GLI4: variants seen among roughly 807,000 people sequenced by gnomAD.
The protein encoded by GLI4 is GLI family zinc finger 4.
Under a neutral mutation model 30.9 loss-of-function variants are expected in GLI4, and 34 were observed. The ratio of observed to expected loss-of-function variants is 1.10; its 90% confidence interval spans 0.84 to 1.47. The LOEUF (loss-of-function observed/expected upper bound fraction) is 1.47, where lower values mean the gene tolerates loss of function less well. Among genes scored for constraint, GLI4 ranks in the 40% most tolerant of loss-of-function variants. The probability of loss-of-function intolerance (pLI) is 0.00; values close to 1 mark genes in which losing one functional copy is unlikely to be tolerated. For missense variants in GLI4, 696 were observed against 538.9 expected (o/e 1.29, Z -2.89); for synonymous variants, 277 against 236.7 (o/e 1.17, Z -1.56).
chr8:143,274,581 G>A, intron 2 of GLI4, 123 bp from the exon 3 acceptor site: 1 of 928,320 alleles, frequency 1.1e-6, no homozygotes, highest in Non-Finnish European at 1.5e-6. Flanking sequence ...CCTGCTGTTG[G>A]GATTGGGAGG....
At position 143,276,048 on chromosome 8, in the gene GLI4, G is replaced by T; in HGVS notation, c.375G>T (p.Arg125=). 5 of 1,365,906 alleles carry T rather than the reference G, an allele frequency of 3.7e-6. No homozygotes were observed. The South Asian group carries it at 7.3e-5, about 20-fold the overall frequency. 84.6% of individuals were successfully genotyped at this position (1,365,906 alleles called of 1,614,324 possible). The part of the protein sequence containing the change: ...AGFGPESSAE[R]PAGQPPGAVP... ...TCGGGCCTGAATCCAGCGCGGAGCG[G>T]CCGGCGGGCCAGCCGCCTGGGGCCG... The change falls in exon 4 of 4, where the codon CGG becomes CGT. Residue 125 remains arginine, a synonymous_variant. Transcript: ENST00000340042.
Position 143,275,389 on chromosome 8 carries a change from C to T in GLI4, c.224-508C>T, listed in dbSNP as rs939005553. On this transcript the variant is annotated intron_variant, in intron 3 of 3. Transcript: ENST00000340042. Reference sequence around the variant, plus strand: ...CAGGTCCCTGGAAAGAGACCCTGGGCCAGAGATTTGCGTGGGAAGCTCCTG... The same window carrying T: ...CAGGTCCCTGGAAAGAGACCCTGGGTCAGAGATTTGCGTGGGAAGCTCCTG... 10 of 1,397,488 alleles carry T rather than the reference C, an allele frequency of 7.2e-6. No individual in the cohort carries two copies. In the East Asian group the frequency reaches 1.6e-4, roughly 22 times the overall value. The allele number at this position is 1,397,488 out of a possible 1,614,324, so 86.6% of individuals were successfully genotyped here.
Position 143,269,460 on chromosome 8 carries a change from C to T in GLI4, c.64C>T (p.Pro22Ser). The T allele has an allele frequency of 1.2e-6, 2 of 1,611,664 alleles. No homozygotes were observed. Among genetic ancestry groups the T allele is most frequent in the Non-Finnish European group, 1.7e-6 (2 of 1,178,222 alleles). Residue 22 changes from proline to serine, a missense_variant, in exon 2 of 4, where the codon CCG becomes TCG. Physicochemically the swap from Pro to Ser is moderately conservative, Grantham distance 74. Coordinates refer to ENST00000340042, the MANE Select transcript of GLI4 (RefSeq NM_138465.4). ...CCCGTCCCCTGTCAGTCTCTCATCA[C>T]CGGGGACACCTGGAACCCAGCACCA... ...SVPSPVSLSS[P>S]GTPGTQHHEP...
At position 143,276,253 on chromosome 8, in the gene GLI4, T is replaced by A; in HGVS notation, c.580T>A (p.Tyr194Asn). 1 of 1,610,838 alleles carries A rather than the reference T, an allele frequency of 6.2e-7. No individual in the cohort carries two copies. The highest frequency in any genetic ancestry group is 8.5e-7 in the Non-Finnish European group (1 of 1,178,996). Residue 194 changes from tyrosine (Y) to asparagine (N), a missense_variant, in exon 4 of 4, where the codon TAT (tyrosine) becomes AAT (asparagine). Transcript: ENST00000340042. ...RCEACGKSFK[Y>N]NSLLLKHQRI... is the part of the protein sequence containing the mutation. ...CGAGGCCTGCGGCAAGAGTTTCAAG[T>A]ATAACTCGCTGCTCCTGAAGCACCA...
Position 143,275,383 on chromosome 8 carries a change from C to G in GLI4, c.224-514C>G. ...TGAGGTCAGGTCCCTGGAAAGAGACCCTGGGCCAGAGATTTGCGTGGGAAG... is the reference window on the plus strand; with the variant it reads ...TGAGGTCAGGTCCCTGGAAAGAGACGCTGGGCCAGAGATTTGCGTGGGAAG... On this transcript the variant is annotated intron_variant, in intron 3 of 3. Coordinates refer to ENST00000340042, the MANE Select transcript of GLI4 (RefSeq NM_138465.4). 3 of 1,399,364 alleles carry G rather than the reference C, an allele frequency of 2.1e-6. No individual in the cohort carries two copies. In the South Asian group the frequency reaches 5.1e-5, roughly 24 times the overall value. The allele number at this position is 1,399,364 out of a possible 1,614,324, so 86.7% of individuals were successfully genotyped here. A position where few individuals can be genotyped will look rare whatever the true frequency, so the allele number is the denominator to read the frequency against.
At position 143,276,128 on chromosome 8, in the gene GLI4, C is replaced by A. The variant is rs1326260314; in HGVS notation, c.455C>A (p.Ala152Glu). The A allele has an allele frequency of 6.6e-7, 1 of 1,522,572 alleles. No individual in the cohort carries two copies. Among genetic ancestry groups the A allele is most frequent in the Non-Finnish European group, 8.8e-7 (1 of 1,138,176 alleles). 94.3% of individuals were successfully genotyped at this position (1,522,572 alleles called of 1,614,324 possible). A position where few individuals can be genotyped will look rare whatever the true frequency, so the allele number is the denominator to read the frequency against. Residue 152 changes from alanine to glutamate, a missense_variant, in exon 4 of 4, where the codon GCG (alanine) becomes GAG (glutamate). Physicochemically the swap from Ala to Glu is moderately radical, Grantham distance 107. Coordinates refer to ENST00000340042, the MANE Select transcript of GLI4 (RefSeq NM_138465.4). ...AWRVTLVQQA[A>E]AGPEGAPERA... is the part of the protein sequence containing the mutation. ...CGCGTGACGCTCGTGCAGCAAGCAG[C>A]GGCCGGGCCCGAGGGTGCGCCCGAG...
intron 3 of GLI4, chr8:143,275,148 A>C: frequency 6.5e-7 from 1 of 1,535,646 alleles, no homozygotes; most frequent in Non-Finnish European, 8.7e-7. Flanking sequence ...CTGTCCCCCC[A>C]GATCCACGAG....
chr8:143,273,213 A>G (rs1240768073), intron 2 of GLI4: 1 of 152,234 alleles, frequency 6.6e-6, no homozygotes, highest in Non-Finnish European at 1.5e-5. Context: ...GTATTTGGCC[A>G]TCTGTGGAAC....
chr8:143,275,734 C>T, intron 3 of GLI4, 163 bp from the exon 4 acceptor site: 4 of 1,240,032 alleles, frequency 3.2e-6, no homozygotes, highest in Non-Finnish European at 4.0e-6. Context: ...GGGCACGGCA[C>T]TCCGAGCCCC....
At chr8:143,270,808 GAC>G (rs1815251876) in intron 2 of GLI4, among the ~76,000 whole-genome samples, 1 of 152,200 alleles carries the variant, frequency 6.6e-6, no homozygotes, top group Non-Finnish European at 1.5e-5. Context: ...TCTCTAGGGG[GAC>G]AGTTTCTGAG....
Position 143,276,754 on chromosome 8 carries a change from G to A in GLI4, c.1081G>A (p.Gly361Ser), listed in dbSNP as rs778138489. 59 of 1,604,914 alleles carry A rather than the reference G, an allele frequency of 3.7e-5. No homozygotes were observed. In the Admixed American group the frequency reaches 9.8e-4, roughly 27 times the overall value. ...FACGACGKAF[G>S]QSSQLIQHQR... ...GTGTGGCGCCTGCGGCAAGGCCTTCGGCCAGAGCTCCCAGCTCATCCAGCA... is the reference window on the plus strand; with the variant it reads ...GTGTGGCGCCTGCGGCAAGGCCTTCAGCCAGAGCTCCCAGCTCATCCAGCA... Residue 361 changes from glycine to serine, a missense_variant, in exon 4 of 4, where the codon GGC becomes AGC. Transcript: ENST00000340042.
At chr8:143,274,405 C>T (rs1008080104) in intron 2 of GLI4, 9 of 244,916 alleles carry the variant, frequency 3.7e-5, no homozygotes, top group Admixed American at 1.1e-4. Flanking sequence ...ACAAAGCCGC[C>T]TTCAACGGCA....
In GLI4 at chr8:143,274,728, T is replaced by A. The variant is rs992609703; in HGVS notation, c.149T>A (p.Val50Glu). Reference sequence around the variant, plus strand: ...GGCTCCCCTGGCTCCAGCCCTAAGGTGCTCTCCCAGCCGTCCGACCTGGAT... The same window carrying A: ...GGCTCCCCTGGCTCCAGCCCTAAGGAGCTCTCCCAGCCGTCCGACCTGGAT... ...QHGSPGSSPK[V>E]LSQPSDLDLQ... The change falls in exon 3 of 4, where the codon GTG (valine) becomes GAG (glutamate). Residue 50 changes from valine (V) to glutamate (E), a missense_variant. Val to Glu is a moderately radical substitution (Grantham distance 121, BLOSUM62 -2). Coordinates refer to ENST00000340042, the MANE Select transcript of GLI4 (RefSeq NM_138465.4). 1 of 1,565,108 alleles carries A rather than the reference T, an allele frequency of 6.4e-7. No individual in the cohort carries two copies. The highest frequency in any genetic ancestry group is 1.4e-5 in the African/African-American group (1 of 73,474).
chr8:143,275,436 G>A (rs999845447), intron 3 of GLI4: 12 of 1,367,110 alleles, frequency 8.8e-6, no homozygotes, highest in East Asian at 8.3e-5. Context: ...GGAGCTGGGC[G>A]GCAGCACACT....
At chr8:143,275,052 TGCCGGCCCCA>T in intron 3 of GLI4, 4 of 1,533,594 alleles carry the variant, frequency 2.6e-6, no homozygotes, top group Non-Finnish European at 3.5e-6. Flanking sequence ...CGTGGACTCC[TGCCGGCCCCA>T]GCTGGACACA....
chr8:143,275,796 A>C, intron 3 of GLI4, 101 bp from the exon 4 acceptor site: 2 of 1,241,532 alleles, frequency 1.6e-6, no homozygotes, highest in Non-Finnish European at 2.0e-6. Context: ...TGTCCCCTCT[A>C]AGCCCCCCCG....
chr8:143,272,756 A>G (rs7838288), intron 2 of GLI4, among the ~76,000 whole-genome samples: 4,889 of 152,256 alleles, frequency 0.032, 281 homozygotes, highest in African/African-American at 0.11. Context: ...TGACCCATGC[A>G]GCCCACACCT....
rs1369872935 is a variant in GLI4, at chr8:143,276,762, C to T, written c.1089C>T (p.Ser363=). ...CCTGCGGCAAGGCCTTCGGCCAGAGCTCCCAGCTCATCCAGCACCAGCGGG... is the reference window on the plus strand; with the variant it reads ...CCTGCGGCAAGGCCTTCGGCCAGAGTTCCCAGCTCATCCAGCACCAGCGGG... ...CGACGKAFGQ[S]SQLIQHQRVH... is the part of the protein sequence containing the mutation. The change falls in exon 4 of 4, where the codon AGC becomes AGT. Residue 363 remains serine, a synonymous_variant. Transcript: ENST00000340042. The T allele has an allele frequency of 1.9e-6, 3 of 1,601,148 alleles. No homozygotes were observed. The highest frequency in any genetic ancestry group is 2.6e-6 in the Non-Finnish European group (3 of 1,174,480).
chr8:143,274,908 C>T (rs1815351145), intron 3 of GLI4, 106 bp downstream of exon 3: 18 of 1,483,698 alleles, frequency 1.2e-5, no homozygotes, highest in Non-Finnish European at 1.5e-5. Context: ...CACCCCCTTC[C>T]TGGGGCCCCT....
Sources: allele counts gnomAD v4.1 joint callset (sites outside exome capture counted in the v4.1 genomes callset), GRCh38; gene constraint gnomAD v4.1.1; transcripts MANE v1.5; gene names NCBI Gene and HGNC (gene_info 2026-07-23, HGNC 2026-07-21).